TP63: variants seen among roughly 807,000 people sequenced by gnomAD.
TP63 encodes the protein tumor protein 63.
In TP63, 17 loss-of-function variants were observed where a neutral mutation model predicts 82.8. The ratio of observed to expected loss-of-function variants is 0.21; its 90% CI spans 0.14 to 0.31. The LOEUF is 0.31. Among genes scored for constraint, TP63 ranks in the 10% least tolerant of loss-of-function variants. TP63 has a pLI of 1.00. For missense variants in TP63, 648 were observed against 895.3 expected (o/e 0.72, Z 3.52); for synonymous variants, 330 against 321.7 (o/e 1.03, Z -0.28).
chr3:189,892,769 G>A (rs1236633566), intron 13 of TP63, among the ~76,000 whole-genome samples: 1 of 152,198 alleles, frequency 6.6e-6, no homozygotes, highest in Non-Finnish European at 1.5e-5. Flanking sequence ...TCCAGCCTGG[G>A]TGAAAGTGCA....
intron 1 of TP63, among the ~76,000 whole-genome samples, chr3:189,705,618 A>C (rs1718138908): frequency 6.6e-6 from 1 of 152,108 alleles, no homozygotes; most frequent in Non-Finnish European, 1.5e-5. Context: ...ACCTCTAGTC[A>C]ATGGGAGAGC....
At chr3:189,627,780 T>C (rs1009485470), upstream of TP63, among the ~76,000 whole-genome samples, 8 of 152,036 alleles carry the variant, frequency 5.3e-5, no homozygotes, top group Non-Finnish European at 1.0e-4. Context: ...TTTGGGGTAA[T>C]AGGGTTGTTG....
chr3:189,829,065 C>A (rs1577051763), intron 4 of TP63, among the ~76,000 whole-genome samples: 1 of 152,042 alleles, frequency 6.6e-6, no homozygotes, highest in Admixed American at 6.6e-5. Context: ...GTACTAAAGA[C>A]CATAAATTTA....
chr3:189,602,725 A>G, the TP63 span, among the ~76,000 whole-genome samples: 4 of 151,860 alleles, frequency 2.6e-5, no homozygotes, highest in African/African-American at 9.7e-5. Flanking sequence ...GATTTCATAC[A>G]CTCTTTTTGT....
At chr3:189,692,451 C>T (rs1717009809) in intron 1 of TP63, among the ~76,000 whole-genome samples, 1 of 151,834 alleles carries the variant, frequency 6.6e-6, no homozygotes, top group Admixed American at 6.6e-5. Context: ...TTCCTCCCTC[C>T]CCACTTTTAT....
At chr3:189,780,538 A>C (rs1279863045) in intron 3 of TP63, among the ~76,000 whole-genome samples, 1 of 152,010 alleles carries the variant, frequency 6.6e-6, no homozygotes, top group Non-Finnish European at 1.5e-5. Flanking sequence ...TGTACACTTC[A>C]CTCTCTCCTG....
intron 4 of TP63, among the ~76,000 whole-genome samples, chr3:189,834,118 C>T (rs1032841111): frequency 2.0e-5 from 3 of 152,060 alleles, no homozygotes; most frequent in African/African-American, 7.2e-5. Context: ...CCAGAGGCGC[C>T]GGGAAGCTTG....
intron 3 of TP63, among the ~76,000 whole-genome samples, chr3:189,739,549 G>GT (rs755817356): frequency 9.2e-5 from 14 of 152,138 alleles, no homozygotes; most frequent in African/African-American, 2.2e-4. Flanking sequence ...TAAGTACCTG[G>GT]TAACAGAATA....
intron 3 of TP63, among the ~76,000 whole-genome samples, chr3:189,802,789 A>G (rs1233999939): frequency 2.0e-5 from 3 of 152,156 alleles, no homozygotes; most frequent in African/African-American, 7.2e-5. Flanking sequence ...ATTTCTTCCA[A>G]GTGAAATTTG....
rs561349030 is a variant in TP63 at position 189,631,442 on chromosome 3, A to G, written c.-74A>G. ...CTTTTAGCCTCCCGGCTTTATATCT[A>G]TATATACACAGGTATATGTGTATAT... On this transcript the variant is annotated 5_prime_UTR_variant, in exon 1 of 14. Coordinates refer to ENST00000264731, the MANE Select transcript of TP63 (RefSeq NM_003722.5). The G allele has an allele frequency of 5.6e-6, 9 of 1,605,706 alleles. No individual in the cohort carries two copies. The highest frequency in any genetic ancestry group is 2.7e-5 in the African/African-American group (2 of 74,576).
At chr3:189,691,355 A>G (rs866607948) in intron 1 of TP63, among the ~76,000 whole-genome samples, 33 of 143,914 alleles carry the variant, frequency 2.3e-4, no homozygotes, top group African/African-American at 4.6e-4. Context: ...AAAAAAAAAA[A>G]AAAAAGAAAA....
intron 13 of TP63, among the ~76,000 whole-genome samples, chr3:189,892,776 T>C (rs1024569176): frequency 2.0e-5 from 3 of 152,086 alleles, no homozygotes; most frequent in Non-Finnish European, 2.9e-5. Flanking sequence ...TGGGTGAAAG[T>C]GCAAGACTCC....
At chr3:189,893,298 G>A (rs1054514106) in intron 13 of TP63, among the ~76,000 whole-genome samples, 2 of 152,140 alleles carry the variant, frequency 1.3e-5, no homozygotes, top group Admixed American at 6.5e-5. Flanking sequence ...AACTGAGGCT[G>A]GTAGAGAATA....
intron 1 of TP63, among the ~76,000 whole-genome samples, chr3:189,672,656 GGAAGGAAAGAAGGAAGGA>G (rs1715007507): frequency 8.4e-6 from 1 of 118,800 alleles, no homozygotes; most frequent in African/African-American, 3.2e-5. Flanking sequence ...GAGGGAGGAA[GGAAGGAAAGAAGGAAGGA>G]AGGAAGGAAG....
intron 4 of TP63, among the ~76,000 whole-genome samples, chr3:189,838,525 G>A (rs959565002): frequency 2.0e-5 from 3 of 152,112 alleles, no homozygotes; most frequent in African/African-American, 7.2e-5. Flanking sequence ...ATGATGACAA[G>A]CTTTTAAGAG....
rs1402796419 is a variant in TP63, at chr3:189,896,507, G to T, written c.*2005G>T. 4.8e-6 allele frequency: 1 copy of T among 206,830 alleles called. No individual in the cohort carries two copies. Among genetic ancestry groups the T allele is most frequent in the Non-Finnish European group, 9.9e-6 (1 of 101,404 alleles). 12.8% of individuals were successfully genotyped at this position (206,830 alleles called of 1,614,324 possible). A position where few individuals can be genotyped will look rare whatever the true frequency, so the allele number is the denominator to read the frequency against. On this transcript the variant is annotated 3_prime_UTR_variant, in exon 14 of 14. Transcript: ENST00000264731. ...AATGAGTCCTTGATTTCAAAGTTTT[G>T]TTGTACTTAAATGGTAATAAGCACT...
At chr3:189,784,255 A>G (rs1668545175) in intron 3 of TP63, among the ~76,000 whole-genome samples, 1 of 152,116 alleles carries the variant, frequency 6.6e-6, no homozygotes, top group East Asian at 1.9e-4. Context: ...ATCTAAATCC[A>G]GGTAAGTGGT....
intron 1 of TP63, among the ~76,000 whole-genome samples, chr3:189,656,700 C>T (rs112034496): frequency 6.2e-4 from 94 of 152,100 alleles, no homozygotes; most frequent in African/African-American, 2.1e-3. Flanking sequence ...TAATATAGAA[C>T]AGCTATATTC....
rs147898214 is a variant in TP63, at chr3:189,838,583, C to T, written c.580-25649C>T. 7.2e-5 allele frequency among the ~76,000 whole-genome samples: 11 copies of T among 152,002 alleles called. 1 individual carries two copies. The East Asian group carries it at 2.1e-3, about 29-fold the overall frequency. ...TTTGTTTAAATCTCTCCCCAAGCAC[C>T]CCCTACACCTACCCCCAGCCAACAC... On this transcript the variant is annotated intron_variant, in intron 4 of 13. Coordinates refer to ENST00000264731, the MANE Select transcript of TP63 (RefSeq NM_003722.5).
Sources: gnomAD v4.1 joint callset for allele counts (sites outside exome capture counted in the v4.1 genomes callset) on GRCh38, gnomAD v4.1.1 for gene constraint, MANE v1.5 for transcripts, NCBI Gene and HGNC (gene_info 2026-07-23, HGNC 2026-07-21) for gene names.